Variants in PPIL2 observed in about 807,000 individuals in gnomAD.
PPIL2 encodes the protein RING-type E3 ubiquitin-protein ligase PPIL2.
Under a neutral mutation model 75.2 loss-of-function variants are expected in PPIL2, and 50 were observed. The ratio of observed to expected loss-of-function variants is 0.66; its 90% CI spans 0.53 to 0.84. The LOEUF is 0.84. Ranked by LOEUF, PPIL2 falls within the 40% of genes least tolerant of loss-of-function variation. The pLI is 0.00. For synonymous variants in PPIL2, 245 were observed against 258.8 expected (o/e 0.95, Z 0.51); for missense variants, 590 against 685.0 (o/e 0.86, Z 1.55).
rs2067891416 is a variant in PPIL2 at position 21,695,578 on chromosome 22, C to T, written c.*88C>T. ...CCATTTCCAGCCTTTCTAGCCTGCC[C>T]TCTGCTGCCAGCCAATAAATTGCTT... is the stretch of plus-strand genomic sequence containing the variant. On this transcript the variant is annotated 3_prime_UTR_variant, in exon 20 of 20. Coordinates refer to ENST00000398831, the MANE Select transcript of PPIL2 (RefSeq NM_014337.4). The T allele has an allele frequency of 6.5e-7, 1 of 1,535,076 alleles. No homozygotes were observed. The highest frequency in any genetic ancestry group is 1.4e-5 in the African/African-American group (1 of 72,704).
Position 21,684,921 on chromosome 22 carries a change from G to A in PPIL2, c.714+8G>A. On this transcript the variant is annotated splice_region_variant and intron_variant, in intron 10 of 19. Transcript: ENST00000398831. ...GTGGACAAGCTGAACGCTGTGAGTG[G>A]CGGAGGGCACTCGGCCAAGCCCAAG... 1 of 1,613,476 alleles carries A rather than the reference G, an allele frequency of 6.2e-7. No individual in the cohort carries two copies. Among genetic ancestry groups the A allele is most frequent in the Non-Finnish European group, 8.5e-7 (1 of 1,179,540 alleles).
chr22:21,670,887 G>T, intron 3 of PPIL2, 110 bp from the exon 4 acceptor site: 2 of 1,133,004 alleles, frequency 1.8e-6, no homozygotes, highest in South Asian at 2.5e-5. Context: ...AGGCTGCCCA[G>T]AGAGGGCTCC....
Position 21,695,399 on chromosome 22 carries a change from G to T in PPIL2, c.1472G>T (p.Arg491Leu). 6.2e-7 allele frequency: 1 copy of T among 1,607,154 alleles called. No homozygotes were observed. Among genetic ancestry groups the T allele is most frequent in the South Asian group, 1.1e-5 (1 of 89,680 alleles). ...GCGGCTTCTTCTCTTCCCAGGAAGC[G>T]AGCAGCAGAGGAAGAGCCCTCAACC... ...GKYINPAATK[R>L]AAEEEPSTSA... is the part of the protein sequence containing the mutation. The change falls in exon 20 of 20, where the codon CGA becomes CTA. Residue 491 changes from arginine (R) to leucine (L), a missense_variant. Coordinates refer to ENST00000398831, the MANE Select transcript of PPIL2 (RefSeq NM_014337.4).
chr22:21,678,006 G>C (rs2066950574), intron 6 of PPIL2, among the ~76,000 whole-genome samples: 1 of 152,178 alleles, frequency 6.6e-6, no homozygotes, highest in African/African-American at 2.4e-5. Flanking sequence ...GGGTGTCTGT[G>C]CCCAGCTGGG....
intron 4 of PPIL2, among the ~76,000 whole-genome samples, chr22:21,671,919 G>A (rs1012895115): frequency 6.6e-6 from 1 of 152,086 alleles, no homozygotes; most frequent in East Asian, 1.9e-4. Flanking sequence ...AGCCATGGTG[G>A]TGTGCACCTG....
intron 2 of PPIL2, chr22:21,670,324 A>T: frequency 6.6e-7 from 1 of 1,505,962 alleles, no homozygotes. Flanking sequence ...AGACTACAAT[A>T]ACAAGAGCAC....
rs1209279973 is a variant in PPIL2, at chr22:21,684,881, C to G, written c.682C>G (p.Pro228Ala). The part of the protein sequence containing the change: ...DEILAATMKA[P>A]EKKKVDKLNA... ...GATTCTGGCAGCCACCATGAAGGCCCCGGAGAAGAAGAAAGTGGACAAGCT... is the reference window on the plus strand; with the variant it reads ...GATTCTGGCAGCCACCATGAAGGCCGCGGAGAAGAAGAAAGTGGACAAGCT... Residue 228 changes from proline to alanine, a missense_variant, in exon 10 of 20, where the codon CCG becomes GCG. Coordinates refer to ENST00000398831, the MANE Select transcript of PPIL2 (RefSeq NM_014337.4). 6.2e-7 allele frequency: 1 copy of G among 1,614,020 alleles called. No individual in the cohort carries two copies. Among genetic ancestry groups the G allele is most frequent in the African/African-American group, 1.3e-5 (1 of 75,038 alleles).
Position 21,686,490 on chromosome 22 carries a change from A to G in PPIL2, c.722A>G (p.Tyr241Cys), listed in dbSNP as rs2067367792. 2.5e-6 allele frequency: 4 copies of G among 1,613,908 alleles called. No homozygotes were observed. Among genetic ancestry groups the G allele is most frequent in the Non-Finnish European group, 3.4e-6 (4 of 1,179,972 alleles). Residue 241 changes from tyrosine to cysteine, a missense_variant, in exon 11 of 20, where the codon TAT becomes TGT. By Grantham distance (194) the Tyr-to-Cys change is radical. Coordinates refer to ENST00000398831, the MANE Select transcript of PPIL2 (RefSeq NM_014337.4). ...CCCTGGTTTCCTTGGCAGGCCCACT[A>G]TTCCACAGGGAAGGTCAGCGCTTCC... ...KKVDKLNAAH[Y>C]STGKVSASFT...
chr22:21,689,657 G>A (rs768618021), intron 15 of PPIL2, among the ~76,000 whole-genome samples: 1 of 152,164 alleles, frequency 6.6e-6, no homozygotes, highest in Non-Finnish European at 1.5e-5. Flanking sequence ...CTGCTTCCCT[G>A]GTGTGCACAT....
At chr22:21,683,995 C>T (rs1193961852) in intron 9 of PPIL2, among the ~76,000 whole-genome samples, 1 of 147,628 alleles carries the variant, frequency 6.8e-6, no homozygotes, top group African/African-American at 2.5e-5. Context: ...ATTGCTTGAG[C>T]TCAAGAGTTC....
chr22:21,683,752 C>T (rs2067228043), intron 9 of PPIL2, among the ~76,000 whole-genome samples: 1 of 152,214 alleles, frequency 6.6e-6, no homozygotes, highest in Non-Finnish European at 1.5e-5. Context: ...CGTGTCTGTG[C>T]TCTCTGCACA....
In PPIL2 at chr22:21,681,364, ACGACC is replaced by A; in HGVS notation, c.362_366del (p.Thr121ArgfsTer7). The A allele has an allele frequency of 6.2e-7, 1 of 1,613,998 alleles. No individual in the cohort carries two copies. The highest frequency in any genetic ancestry group is 8.5e-7 in the Non-Finnish European group (1 of 1,179,826). ...CAACACCCACATCGTGGCTGTGAGG[ACGACC>A]GGCAACGTCTACGCCTATGAGGTGT... On this transcript the variant is annotated frameshift_variant, in exon 7 of 20. Coordinates refer to ENST00000398831, the MANE Select transcript of PPIL2 (RefSeq NM_014337.4). LOFTEE classifies it high-confidence loss of function.
chr22:21,681,891 G>A (rs1399951402), intron 7 of PPIL2, among the ~76,000 whole-genome samples: 1 of 152,240 alleles, frequency 6.6e-6, no homozygotes, highest in Non-Finnish European at 1.5e-5. Flanking sequence ...CCACATGGCG[G>A]GAAAGCCGAC....
chr22:21,678,088 G>C (rs951337456), intron 6 of PPIL2, among the ~76,000 whole-genome samples: 3 of 152,216 alleles, frequency 2.0e-5, no homozygotes, highest in Non-Finnish European at 4.4e-5. Flanking sequence ...TCAGGGGTGG[G>C]GATGGTGTGC....
chr22:21,687,812 C>A, intron 13 of PPIL2, 80 bp downstream of exon 13: 1 of 1,406,162 alleles, frequency 7.1e-7, no homozygotes, highest in Non-Finnish European at 1.0e-6. Context: ...CTGCCCCATC[C>A]CAGGGCCCTG....
Position 21,669,924 on chromosome 22 carries a change from G to A in PPIL2, c.44G>A (p.Cys15Tyr). ...CCTCTCTTCTTCAGGTACATTACCT[G>A]TGCTGAATACACTCACTTTTATGGT... Reference protein sequence around the residue: ...QHQKDKMYITCAEYTHFYGGK... With the variant: ...QHQKDKMYITYAEYTHFYGGK... The change falls in exon 2 of 20, where the codon TGT (cysteine) becomes TAT (tyrosine). Residue 15 changes from cysteine (C) to tyrosine (Y), a missense_variant. By Grantham distance (194) the Cys-to-Tyr change is radical. Transcript: ENST00000398831. 2 of 1,613,964 alleles carry A rather than the reference G, an allele frequency of 1.2e-6. No homozygotes were observed. Among genetic ancestry groups the A allele is most frequent in the Non-Finnish European group, 1.7e-6 (2 of 1,179,826 alleles).
In PPIL2 at chr22:21,697,277, A is replaced by AT; in HGVS notation, c.*1787_*1788insT. 2.4e-6 allele frequency: 1 copy of AT among 408,444 alleles called. No homozygotes were observed. 25.3% of individuals were successfully genotyped at this position (408,444 alleles called of 1,614,324 possible). ...GGTACAGGTGCGGGTGGTGGGGATG[A>AT]AGGCCTGACCAGGGAGGGAGAAGCA... On this transcript the variant is annotated 3_prime_UTR_variant, in exon 20 of 20. Transcript: ENST00000398831.
At position 21,695,008 on chromosome 22, in the gene PPIL2, A is replaced by G. The variant is rs532839303; in HGVS notation, c.1404A>G (p.Ala468=). Reference sequence around the variant, plus strand: ...AAGTGAAGAGCAGCCAGCCCCAGGCAGGGAGCCAGGGCCCCCAGACCTTCC... The same window carrying G: ...AAGTGAAGAGCAGCCAGCCCCAGGCGGGGAGCCAGGGCCCCCAGACCTTCC... ...ETKVKSSQPQ[A]GSQGPQTFRQ... Residue 468 remains alanine (A), a synonymous_variant, in exon 19 of 20, where the codon GCA becomes GCG. Transcript: ENST00000398831. The G allele has an allele frequency of 6.2e-7, 1 of 1,613,490 alleles. No individual in the cohort carries two copies. Among genetic ancestry groups the G allele is most frequent in the African/African-American group, 1.3e-5 (1 of 75,064 alleles).
At chr22:21,694,110 C>T (rs2082664261) in intron 16 of PPIL2, among the ~76,000 whole-genome samples, 1 of 152,184 alleles carries the variant, frequency 6.6e-6, no homozygotes, top group African/African-American at 2.4e-5. Context: ...GTGGCCTGGA[C>T]ACTGCCCTGT....
Sources: allele counts gnomAD v4.1 joint callset (sites outside exome capture counted in the v4.1 genomes callset), GRCh38; gene constraint gnomAD v4.1.1; transcripts MANE v1.5; gene names NCBI Gene and HGNC (gene_info 2026-07-23, HGNC 2026-07-21).